Variants in PSMD4 observed in about 807,000 individuals in gnomAD.
PSMD4 encodes 26S proteasome non-ATPase regulatory subunit 4.
A neutral mutation model predicts 39.7 loss-of-function variants in PSMD4; 5 were observed. That is an observed-to-expected ratio of 0.13 (90% CI 0.07 to 0.26). PSMD4 has a LOEUF of 0.26. PSMD4 is among the 10% of genes least tolerant of loss of function. The pLI is 1.00. For synonymous variants in PSMD4, 143 were observed against 174.6 expected, an observed-to-expected ratio of 0.82 and a Z score of 1.43; for missense variants, 272 against 486.1, an observed-to-expected ratio of 0.56 and a Z score of 4.14.
At chr1:151,256,660 C>G (rs1310600240) in intron 1 of PSMD4, among the ~76,000 whole-genome samples, 3 of 151,062 alleles carry the variant, frequency 2.0e-5, no homozygotes, top group African/African-American at 7.3e-5. Flanking sequence ...TAGTCTCAAA[C>G]TGCTGAGCTC....
chr1:151,261,552 C>A (rs979586199), intron 1 of PSMD4, among the ~76,000 whole-genome samples: 3 of 152,142 alleles, frequency 2.0e-5, no homozygotes, highest in African/African-American at 7.2e-5. Context: ...GAGTATTTAT[C>A]CATGACAAAG....
At chr1:151,255,863 A>G (rs587670840) in intron 1 of PSMD4, among the ~76,000 whole-genome samples, 2 of 152,228 alleles carry the variant, frequency 1.3e-5, no homozygotes, top group South Asian at 4.2e-4. Flanking sequence ...ACTTGCACCA[A>G]CGATAGAACA....
chr1:151,255,840 T>G (rs760383473), intron 1 of PSMD4, among the ~76,000 whole-genome samples: 8 of 151,986 alleles, frequency 5.3e-5, no homozygotes, highest in Non-Finnish European at 8.8e-5. Flanking sequence ...TCCCAGTGAT[T>G]GAACTAATTT....
At chr1:151,266,200 T>G in intron 7 of PSMD4, 88 bp downstream of exon 7, 3 of 1,591,464 alleles carry the variant, frequency 1.9e-6, no homozygotes, top group Non-Finnish European at 2.6e-6. Context: ...AGTGTGGAGG[T>G]CTGACAGGGT....
intron 2 of PSMD4, 69 bp from the exon 3 acceptor site, chr1:151,263,845 A>G (rs771193497): frequency 2.7e-6 from 3 of 1,095,988 alleles, no homozygotes; most frequent in Non-Finnish European, 2.6e-6. Flanking sequence ...TAAATAAATA[A>G]AAGTTAGACA....
At chr1:151,261,869 C>T (rs587765354) in intron 1 of PSMD4, among the ~76,000 whole-genome samples, 2 of 150,144 alleles carry the variant, frequency 1.3e-5, no homozygotes, top group East Asian at 3.9e-4. Flanking sequence ...GTGAGAGGAT[C>T]ACTTGAGCCC....
At position 151,266,033 on chromosome 1, in the gene PSMD4, G is replaced by T; in HGVS notation, c.684G>T (p.Arg228=). 1 of 1,605,908 alleles carries T rather than the reference G, an allele frequency of 6.2e-7. No homozygotes were observed. The highest frequency in any genetic ancestry group is 8.5e-7 in the Non-Finnish European group (1 of 1,176,040). ...TTCGTGTATCTATGGAAGAGCAGCG[G>T]CAGCGGCAGGAGGAGGAGGCCCGGC... ...LALRVSMEEQ[R]QRQEEEARRA... Residue 228 remains arginine, a synonymous_variant, in exon 7 of 10, where the codon CGG becomes CGT. Coordinates refer to ENST00000368884, the MANE Select transcript of PSMD4 (RefSeq NM_002810.4).
rs1451631484 is a variant in PSMD4, at chr1:151,254,755, C to T, written c.-28C>T. 2 of 1,555,428 alleles carry T rather than the reference C, an allele frequency of 1.3e-6. No individual in the cohort carries two copies. Among genetic ancestry groups the T allele is most frequent in the South Asian group, 1.2e-5 (1 of 84,162 alleles). On this transcript the variant is annotated 5_prime_UTR_variant, in exon 1 of 10. Transcript: ENST00000368884. ...AGTTGTTGTTAGGCCGTCCCGGAGA[C>T]CCGGTCGGGAGGGAGGAAGGTGGCA...
intron 2 of PSMD4, 98 bp from the exon 3 acceptor site, chr1:151,263,816 T>A: frequency 1.2e-6 from 1 of 849,962 alleles, no homozygotes; most frequent in Non-Finnish European, 1.8e-6. Context: ...GGTGACAGAG[T>A]GAGACTCCGT....
chr1:151,265,880 T>G, intron 6 of PSMD4, 124 bp from the exon 7 acceptor site: 2 of 1,322,596 alleles, frequency 1.5e-6, no homozygotes, highest in Non-Finnish European at 2.0e-6. Flanking sequence ...CCCTCCAGCT[T>G]CTTCTCTGTG....
chr1:151,259,616 C>T (rs1053636984), intron 1 of PSMD4, among the ~76,000 whole-genome samples: 2 of 152,292 alleles, frequency 1.3e-5, no homozygotes, highest in Non-Finnish European at 1.5e-5. Context: ...TGGCTAGGTG[C>T]CGTGGCTCAC....
intron 1 of PSMD4, among the ~76,000 whole-genome samples, chr1:151,255,894 C>T (rs977611017): frequency 3.3e-5 from 5 of 152,012 alleles, no homozygotes; most frequent in African/African-American, 1.2e-4. Context: ...TTCTCGCAAC[C>T]TTGCCAGCAT....
At chr1:151,265,106 G>T (rs1423448108) in intron 4 of PSMD4, 60 bp from the exon 5 acceptor site, 1 of 1,400,202 alleles carries the variant, frequency 7.1e-7, no homozygotes, top group Non-Finnish European at 9.7e-7. Context: ...TTATGCGGCG[G>T]GTCCTTTCCC....
intron 9 of PSMD4, chr1:151,266,844 G>C: frequency 1.4e-6 from 1 of 724,612 alleles, no homozygotes; most frequent in Non-Finnish European, 2.5e-6. Flanking sequence ...TGTCTTCCCA[G>C]GAGGGAAAAA....
At position 151,267,280 on chromosome 1, in the gene PSMD4, C is replaced by G; in HGVS notation, c.1071C>G (p.Gly357=). ...PNNEAIRNAM[G]SLASQATKDG... Reference sequence around the variant, plus strand: ...ATGAAGCCATTCGAAATGCTATGGGCTCCCTGGCCTCCCAGGCCACCAAGG... The same window carrying G: ...ATGAAGCCATTCGAAATGCTATGGGGTCCCTGGCCTCCCAGGCCACCAAGG... The change falls in exon 10 of 10, where the codon GGC becomes GGG. Residue 357 remains glycine, a synonymous_variant. Coordinates refer to ENST00000368884, the MANE Select transcript of PSMD4 (RefSeq NM_002810.4). 2.5e-6 allele frequency: 4 copies of G among 1,613,914 alleles called. No homozygotes were observed. Among genetic ancestry groups the G allele is most frequent in the Non-Finnish European group, 3.4e-6 (4 of 1,179,866 alleles).
At position 151,267,181 on chromosome 1, in the gene PSMD4, T is replaced by G; in HGVS notation, c.972T>G (p.Asp324Glu). The part of the protein sequence containing the change: ...MDTSEPAKEE[D>E]DYDVMQDPEF... ...ACACTGCCTGTTTGCAGGAGGAGGA[T>G]GATTACGACGTGATGCAGGACCCCG... is the stretch of plus-strand genomic sequence containing the variant. The change falls in exon 10 of 10, where the codon GAT becomes GAG. Residue 324 changes from aspartate to glutamate, a missense_variant. This residue lies in a region of PSMD4 where 113 missense variants were observed against 184.6 expected (regional missense o/e 0.61). Coordinates refer to ENST00000368884, the MANE Select transcript of PSMD4 (RefSeq NM_002810.4). 1 of 1,613,910 alleles carries G rather than the reference T, an allele frequency of 6.2e-7. No individual in the cohort carries two copies. The highest frequency in any genetic ancestry group is 8.5e-7 in the Non-Finnish European group (1 of 1,179,838).
chr1:151,266,191 G>A, intron 7 of PSMD4, 79 bp downstream of exon 7: 1 of 1,590,900 alleles, frequency 6.3e-7, no homozygotes, highest in Non-Finnish European at 8.6e-7. Flanking sequence ...TGCAGGGAGA[G>A]TGTGGAGGTC....
At chr1:151,260,428 G>T (rs1693288632) in intron 1 of PSMD4, among the ~76,000 whole-genome samples, 2 of 152,266 alleles carry the variant, frequency 1.3e-5, no homozygotes, top group South Asian at 4.1e-4. Flanking sequence ...ATGAAAAGTT[G>T]CAGGGATCTA....
In PSMD4 at chr1:151,267,303, A is replaced by G. The variant is rs1041116433; in HGVS notation, c.1094A>G (p.Lys365Arg). The G allele has an allele frequency of 1.9e-6, 3 of 1,613,844 alleles. No homozygotes were observed. The highest frequency in any genetic ancestry group is 2.7e-5 in the African/African-American group (2 of 74,928). Residue 365 changes from lysine to arginine, a missense_variant, in exon 10 of 10, where the codon AAG becomes AGG. By Grantham distance (26) the Lys-to-Arg change is conservative (BLOSUM62 2). Transcript: ENST00000368884. Reference sequence around the variant, plus strand: ...GGCTCCCTGGCCTCCCAGGCCACCAAGGACGGCAAGAAGGACAAGAAGGAG... The same window carrying G: ...GGCTCCCTGGCCTCCCAGGCCACCAGGGACGGCAAGAAGGACAAGAAGGAG... ...AMGSLASQAT[K>R]DGKKDKKEED...
Sources: gnomAD v4.1 joint callset for allele counts (sites outside exome capture counted in the v4.1 genomes callset) on GRCh38, gnomAD v4.1.1 for gene constraint, gnomAD v4.1.1 regional missense constraint, MANE v1.5 for transcripts, NCBI Gene and HGNC (gene_info 2026-07-23, HGNC 2026-07-21) for gene names.